The following MAGI2 variants were observed in gnomAD, a reference collection of about 807,000 sequenced individuals.
MAGI2 encodes membrane associated guanylate kinase, WW and PDZ domain containing 2, also known as membrane-associated guanylate kinase, WW and PDZ domain-containing protein 2.
MAGI2 carries 35 observed loss-of-function variants against 133.3 expected under a neutral mutation model. That is an observed-to-expected ratio of 0.26 (90% confidence interval 0.20 to 0.35). MAGI2 has a LOEUF of 0.35. Among genes scored for constraint, MAGI2 ranks in the 10% least tolerant of loss-of-function variants. MAGI2 has a pLI of 1.00. For missense variants in MAGI2, 1,636 were observed against 1,863.4 expected (o/e 0.88, Z 2.25); for synonymous variants, 729 against 710.6 (o/e 1.03, Z -0.41).
intron 1 of MAGI2, among the ~76,000 whole-genome samples, chr7:79,083,860 T>C (rs1362730023): frequency 6.6e-6 from 1 of 151,742 alleles, no homozygotes; most frequent in Non-Finnish European, 1.5e-5. Flanking sequence ...TCATTAATAG[T>C]ATTCATATTT....
chr7:78,331,702 A>G (rs184674694), intron 9 of MAGI2, among the ~76,000 whole-genome samples: 83 of 152,278 alleles, frequency 5.5e-4, no homozygotes, highest in African/African-American at 1.8e-3. Context: ...TCTTTTTAAA[A>G]TGCCAATTTT....
At chr7:78,373,569 C>T (rs1794146020) in intron 6 of MAGI2, among the ~76,000 whole-genome samples, 1 of 152,018 alleles carries the variant, frequency 6.6e-6, no homozygotes, top group Non-Finnish European at 1.5e-5. Flanking sequence ...AGGGCTCCTA[C>T]TCACACTTTA....
At chr7:78,125,914 T>C in intron 19 of MAGI2, 77 bp from the exon 20 acceptor site, 4 of 1,380,990 alleles carry the variant, frequency 2.9e-6, no homozygotes, top group Non-Finnish European at 4.0e-6. Flanking sequence ...CTCTGTGTTC[T>C]CCTTCTGTCT....
At chr7:79,032,162 T>C (rs17151853) in intron 1 of MAGI2, among the ~76,000 whole-genome samples, 17,999 of 152,168 alleles carry the variant, frequency 0.12, 1,515 homozygotes, top group African/African-American at 0.24. Flanking sequence ...GTAAATTTTA[T>C]ACTTCAAAGC....
intron 2 of MAGI2, among the ~76,000 whole-genome samples, chr7:78,693,847 C>G (rs1817220184): frequency 6.6e-6 from 1 of 152,138 alleles, no homozygotes; most frequent in Non-Finnish European, 1.5e-5. Flanking sequence ...TGCCCACACC[C>G]ACCGCTGGCT....
rs143456074 is a variant in MAGI2, at chr7:79,221,514, A to G, written c.302-214308T>C. Reference sequence around the variant, plus strand: ...ATATCAAAGGCAACTTGAGGTGGGAACTAAATGACTTACTATCATCTTTAC... The same window carrying G: ...ATATCAAAGGCAACTTGAGGTGGGAGCTAAATGACTTACTATCATCTTTAC... On this transcript the variant is annotated intron_variant, in intron 1 of 21. Coordinates refer to ENST00000354212, the MANE Select transcript of MAGI2 (RefSeq NM_012301.4). Among the ~76,000 whole-genome samples, 313 of 152,158 alleles carry G rather than the reference A, an allele frequency of 2.1e-3. 3 individuals carry two copies. The highest frequency in any genetic ancestry group is 7.2e-3 in the African/African-American group (297 of 41,434).
At chr7:78,691,374 G>A (rs769759368) in intron 2 of MAGI2, among the ~76,000 whole-genome samples, 3 of 152,132 alleles carry the variant, frequency 2.0e-5, no homozygotes, top group Non-Finnish European at 2.9e-5. Flanking sequence ...TGCAGGGTCT[G>A]GCATGCAGTG....
intron 9 of MAGI2, among the ~76,000 whole-genome samples, chr7:78,326,876 C>T (rs183460479): frequency 6.6e-6 from 1 of 152,162 alleles, no homozygotes; most frequent in African/African-American, 2.4e-5. Context: ...CCCCTCCCTT[C>T]ATTCTTCAAG....
intron 1 of MAGI2, among the ~76,000 whole-genome samples, chr7:79,399,089 TCTTTTC>T (rs1183534101): frequency 1.6e-4 from 22 of 136,440 alleles, no homozygotes; most frequent in Middle Eastern, 3.6e-3. Context: ...CTTTTTTTTT[TCTTTTC>T]TTTTTTTTTT....
At chr7:78,316,862 AT>A (rs1490891035) in intron 9 of MAGI2, among the ~76,000 whole-genome samples, 1 of 152,224 alleles carries the variant, frequency 6.6e-6, no homozygotes, top group Non-Finnish European at 1.5e-5. Flanking sequence ...CTGATAAACC[AT>A]GAATCTTTGA....
intron 20 of MAGI2, among the ~76,000 whole-genome samples, chr7:78,116,818 C>G (rs1225236776): frequency 1.3e-5 from 2 of 151,766 alleles, no homozygotes; most frequent in Admixed American, 1.3e-4. Flanking sequence ...GTTGATGCTG[C>G]AGTGAGCCAT....
chr7:78,984,306 T>C (rs1216755935), intron 2 of MAGI2, among the ~76,000 whole-genome samples: 1 of 151,960 alleles, frequency 6.6e-6, no homozygotes, highest in Non-Finnish European at 1.5e-5. Flanking sequence ...GCCAGAGTTA[T>C]CCCATTAAAA....
chr7:78,830,677 G>A (rs1287609665), intron 2 of MAGI2, among the ~76,000 whole-genome samples: 3 of 152,108 alleles, frequency 2.0e-5, no homozygotes, highest in Admixed American at 6.6e-5. Context: ...AAAAAAAATG[G>A]GAGTGAGGGG....
chr7:78,893,789 A>C (rs960641186), intron 2 of MAGI2, among the ~76,000 whole-genome samples: 1 of 152,176 alleles, frequency 6.6e-6, no homozygotes, highest in African/African-American at 2.4e-5. Context: ...TGACGAGTTA[A>C]TGGGTGCAGC....
chr7:78,780,401 A>G (rs1281424962), intron 2 of MAGI2, among the ~76,000 whole-genome samples: 1 of 152,224 alleles, frequency 6.6e-6, no homozygotes, highest in Non-Finnish European at 1.5e-5. Flanking sequence ...TAAATATATT[A>G]AAAAGCAAAA....
intron 2 of MAGI2, among the ~76,000 whole-genome samples, chr7:78,636,905 C>T (rs1809721713): frequency 6.6e-6 from 1 of 152,196 alleles, no homozygotes; most frequent in Admixed American, 6.5e-5. Flanking sequence ...CTGGTTCTCA[C>T]TCCCCAGAGT....
At chr7:79,028,222 T>C (rs1810104709) in intron 1 of MAGI2, among the ~76,000 whole-genome samples, 1 of 52,036 alleles carries the variant, frequency 1.9e-5, no homozygotes, top group African/African-American at 6.8e-5. Context: ...AAAAAATATA[T>C]ATATATATGT....
In MAGI2 at chr7:78,495,333, A is replaced by C. The variant is rs535484260; in HGVS notation, c.966-5493T>G. ...TGTGTCCATGTGTTCTCATTGTTCA[A>C]CTCCTGCTTATGAGTGAGAACATGC... On this transcript the variant is annotated intron_variant, in intron 5 of 21. Coordinates refer to ENST00000354212, the MANE Select transcript of MAGI2 (RefSeq NM_012301.4). 2.6e-5 allele frequency among the ~76,000 whole-genome samples: 4 copies of C among 151,626 alleles called. No individual in the cohort carries two copies. In the East Asian group the frequency reaches 7.8e-4, roughly 29 times the overall value.
rs1012203316 is a variant in MAGI2, at chr7:78,203,742, TTGTG to T, written c.2048-2553_2048-2550del. On this transcript the variant is annotated intron_variant, in intron 10 of 21. Coordinates refer to ENST00000354212, the MANE Select transcript of MAGI2 (RefSeq NM_012301.4). ...ATTTCCTTAAAAATAAATGCTATTT[TTGTG>T]TATCTGTCAAATTATTAATCATGTT... Among the ~76,000 whole-genome samples, 6 of 152,384 alleles carry T rather than the reference TTGTG, an allele frequency of 3.9e-5. No individual in the cohort carries two copies. The East Asian group carries it at 1.2e-3, about 29-fold the overall frequency.
Sources: allele counts gnomAD v4.1 joint callset (sites outside exome capture counted in the v4.1 genomes callset), GRCh38; gene constraint gnomAD v4.1.1; transcripts MANE v1.5; gene names NCBI Gene and HGNC (gene_info 2026-07-23, HGNC 2026-07-21).